The following PUM2 variants were observed in gnomAD, a reference collection of about 807,000 sequenced individuals.
The protein encoded by PUM2 is pumilio homolog 2.
In PUM2, 57 loss-of-function variants were observed where a neutral mutation model predicts 124.5. The observed-to-expected ratio is 0.46, with a 90% confidence interval of 0.37 to 0.57. The LOEUF is 0.57. PUM2 is among the 20% of genes least tolerant of loss of function. The pLI, the probability that PUM2 is intolerant of heterozygous loss-of-function variation, is 0.00. For synonymous variants in PUM2, 460 were observed against 446.1 expected (o/e 1.03, Z -0.39); for missense variants, 1,065 against 1,290.6 (o/e 0.83, Z 2.68).
intron 1 of PUM2, among the ~76,000 whole-genome samples, chr2:20,341,499 C>T (rs1451371430): frequency 6.6e-6 from 1 of 152,140 alleles, no homozygotes; most frequent in African/African-American, 2.4e-5. Context: ...CAATGTATGA[C>T]TACATATGTT....
At chr2:20,253,493 T>C (rs905935784) in intron 20 of PUM2, among the ~76,000 whole-genome samples, 23 of 152,040 alleles carry the variant, frequency 1.5e-4, no homozygotes, top group Non-Finnish European at 1.5e-4. Context: ...TGCACCATGA[T>C]GCTTGTCTAA....
At chr2:20,299,255 T>G (rs1676377927) in intron 7 of PUM2, among the ~76,000 whole-genome samples, 1 of 152,010 alleles carries the variant, frequency 6.6e-6, no homozygotes, top group South Asian at 2.1e-4. Context: ...TAGACAGTGT[T>G]GGAACTGAAT....
At chr2:20,295,849 T>C (rs1384675432) in intron 8 of PUM2, among the ~76,000 whole-genome samples, 2 of 152,222 alleles carry the variant, frequency 1.3e-5, no homozygotes, top group East Asian at 3.8e-4. Flanking sequence ...TACTTTTATA[T>C]TGTGACTACT....
chr2:20,302,885 A>G (rs1411885694), intron 7 of PUM2, among the ~76,000 whole-genome samples: 2 of 152,236 alleles, frequency 1.3e-5, no homozygotes, highest in Non-Finnish European at 2.9e-5. Context: ...TATGGACTGC[A>G]GTCTGTGCAG....
At chr2:20,258,988 A>G (rs1240957234) in intron 15 of PUM2, among the ~76,000 whole-genome samples, 2 of 152,276 alleles carry the variant, frequency 1.3e-5, no homozygotes, top group South Asian at 2.1e-4. Context: ...TCTTTAATAT[A>G]TAACTTTCTT....
intron 14 of PUM2, among the ~76,000 whole-genome samples, chr2:20,262,778 A>G (rs943774273): frequency 1.3e-5 from 2 of 152,244 alleles, no homozygotes; most frequent in Non-Finnish European, 2.9e-5. Context: ...AAATTTTCCT[A>G]TAACAAATGT....
Position 20,258,355 on chromosome 2 carries a change from T to G in PUM2, c.2372A>C (p.Gln791Pro). ...QKFFEFGSLDQKLALATRIRG... is the reference protein window; with the variant it reads ...QKFFEFGSLDPKLALATRIRG... ...AATACGAGTAGCCAGGGCTAATTTT[T>G]GATCCAGACTCCCAAACTGACAGAA... is the stretch of plus-strand genomic sequence containing the variant. Residue 791 changes from glutamine (Q) to proline (P), a missense_variant, in exon 16 of 21, where the codon CAA becomes CCA. This residue lies in a region of PUM2 where 968 missense variants were observed against 1,159.8 expected (regional missense o/e 0.83). Transcript: ENST00000361078. 6.2e-7 allele frequency: 1 copy of G among 1,612,494 alleles called. No individual in the cohort carries two copies. The highest frequency in any genetic ancestry group is 8.5e-7 in the Non-Finnish European group (1 of 1,179,002).
At chr2:20,314,826 A>G (rs182223832) in intron 3 of PUM2, among the ~76,000 whole-genome samples, 9 of 152,254 alleles carry the variant, frequency 5.9e-5, no homozygotes, top group Admixed American at 3.3e-4. Flanking sequence ...ATCCGAGAAC[A>G]ACACAGTTTG....
At chr2:20,294,575 G>C (rs1312970008) in intron 8 of PUM2, 57 bp from the exon 9 acceptor site, 1 of 1,509,726 alleles carries the variant, frequency 6.6e-7, no homozygotes, top group Admixed American at 2.2e-5. Flanking sequence ...ATAGACATGA[G>C]GTTAGCTACC....
intron 1 of PUM2, among the ~76,000 whole-genome samples, chr2:20,347,861 T>C (rs1041787515): frequency 2.0e-5 from 3 of 152,156 alleles, no homozygotes; most frequent in Non-Finnish European, 2.9e-5. Context: ...GGTAGTCACA[T>C]GAAAAAGCAG....
intron 8 of PUM2, among the ~76,000 whole-genome samples, chr2:20,296,411 T>C (rs1042360930): frequency 2.6e-5 from 4 of 151,052 alleles, no homozygotes; most frequent in African/African-American, 4.9e-5. Context: ...AGGAGAATGG[T>C]GTGAACCCGG....
At position 20,283,124 on chromosome 2, in the gene PUM2, T is replaced by C; in HGVS notation, c.1543A>G (p.Ser515Gly). The change falls in exon 12 of 21, where the codon AGC becomes GGC. Residue 515 changes from serine to glycine, a missense_variant. This residue lies in a region of PUM2 where 968 missense variants were observed against 1,159.8 expected (regional missense o/e 0.83). Coordinates refer to ENST00000361078, the MANE Select transcript of PUM2 (RefSeq NM_015317.5). ...AATGAATTAGATTGCAGATTAGTGC[T>C]TGGCTGCTGTTGCTGCTGCTGTGGT... ...QPPQQQQQQPSTNLQSNSFYG... is the reference protein window; with the variant it reads ...QPPQQQQQQPGTNLQSNSFYG... The C allele has an allele frequency of 1.2e-6, 2 of 1,614,164 alleles. No homozygotes were observed. Among genetic ancestry groups the C allele is most frequent in the Non-Finnish European group, 1.7e-6 (2 of 1,180,036 alleles).
intron 5 of PUM2, among the ~76,000 whole-genome samples, chr2:20,309,628 T>C (rs1572854687): frequency 6.6e-6 from 1 of 152,242 alleles, no homozygotes; most frequent in East Asian, 1.9e-4. Context: ...ATCCTTTCCT[T>C]TGTAAGAAAG....
rs1689166921 is a variant in PUM2 at position 20,350,609 on chromosome 2, G to A, written c.-31C>T. The stretch of plus-strand genomic sequence containing the variant: ...CGGACTGACTTACAGGGCTGCTGCG[G>A]CCGCGCTGCCTCAGCCGGGGACACC... On this transcript the variant is annotated 5_prime_UTR_variant, in exon 1 of 21. Transcript: ENST00000361078. 2 of 985,456 alleles carry A rather than the reference G, an allele frequency of 2.0e-6. No homozygotes were observed. 61.0% of individuals were successfully genotyped at this position (985,456 alleles called of 1,614,324 possible).
intron 1 of PUM2, 77 bp from the exon 2 acceptor site, chr2:20,327,455 G>A: frequency 1.1e-6 from 1 of 891,392 alleles, no homozygotes; most frequent in Non-Finnish European, 1.7e-6. Flanking sequence ...ATATTATATT[G>A]CTGCTATGAC....
chr2:20,251,588 C>G lies in PUM2; in HGVS notation c.3192G>C (p.Leu1064=). 1 of 1,611,074 alleles carries G rather than the reference C, an allele frequency of 6.2e-7. No individual in the cohort carries two copies. The highest frequency in any genetic ancestry group is 8.5e-7 in the Non-Finnish European group (1 of 1,178,800). Reference sequence around the variant, plus strand: ...TTCTTTCTCTTGCTCCTGTAATTTACAGCATTCCATTTGGTGGTCCTCCAA... The same window carrying G: ...TTCTTTCTCTTGCTCCTGTAATTTAGAGCATTCCATTTGGTGGTCCTCCAA... ...GPIGGPPNGM[L] is the part of the protein sequence containing the mutation. Residue 1064 remains leucine, a synonymous_variant, in exon 21 of 21, where the codon CTG becomes CTC. Coordinates refer to ENST00000361078, the MANE Select transcript of PUM2 (RefSeq NM_015317.5).
At chr2:20,291,073 T>A (rs1438515294) in intron 9 of PUM2, among the ~76,000 whole-genome samples, 1 of 151,636 alleles carries the variant, frequency 6.6e-6, no homozygotes, top group Non-Finnish European at 1.5e-5. Flanking sequence ...CAAAGTAGTT[T>A]AAAAAATAAT....
rs1459590677 is a variant in PUM2 at position 20,327,458 on chromosome 2, G to A, written c.-18-80C>T. 4 of 849,766 alleles carry A rather than the reference G, an allele frequency of 4.7e-6. No individual in the cohort carries two copies. In the East Asian group the frequency reaches 7.9e-5, roughly 17 times the overall value. 52.6% of individuals were successfully genotyped at this position (849,766 alleles called of 1,614,324 possible). A position where few individuals can be genotyped will look rare whatever the true frequency, so the allele number is the denominator to read the frequency against. ...TCAACTATTTTTATATTATATTGCT[G>A]CTATGACTAATATTAGCATGATCTG... On this transcript the variant is annotated intron_variant, in intron 1 of 20. Coordinates refer to ENST00000361078, the MANE Select transcript of PUM2 (RefSeq NM_015317.5).
chr2:20,288,355 T>TA lies in PUM2; in HGVS notation c.1291+2296dup, dbSNP rs1375175503. On this transcript the variant is annotated intron_variant, in intron 10 of 20. Transcript: ENST00000361078. ...AGGGTGAACTGCAACAAACTGAGCA[T>TA]AAAAAAAGATACAGAGGAAATTATA... Among the ~76,000 whole-genome samples the TA allele has an allele frequency of 3.9e-5, 6 of 152,198 alleles. No homozygotes were observed. The South Asian group carries it at 1.0e-3, about 26-fold the overall frequency.
Sources: gnomAD v4.1 joint callset for allele counts (sites outside exome capture counted in the v4.1 genomes callset) on GRCh38, gnomAD v4.1.1 for gene constraint, gnomAD v4.1.1 regional missense constraint, MANE v1.5 for transcripts, NCBI Gene and HGNC (gene_info 2026-07-23, HGNC 2026-07-21) for gene names.